The following TIPIN variants were observed in gnomAD, a reference collection of about 807,000 sequenced individuals.
TIPIN encodes TIMELESS-interacting protein.
TIPIN carries 29 observed loss-of-function variants against 35.6 expected under a neutral mutation model. The observed-to-expected ratio is 0.82, with a 90% CI of 0.61 to 1.11. TIPIN has a LOEUF of 1.11. TIPIN is among the 50% of genes most tolerant of loss of function. TIPIN has a pLI of 0.00. For synonymous variants in TIPIN, 102 were observed against 121.5 expected, an observed-to-expected ratio of 0.84 and a Z score of 1.06; for missense variants, 296 against 345.4, an observed-to-expected ratio of 0.86 and a Z score of 1.13.
intron 1 of TIPIN, among the ~76,000 whole-genome samples, chr15:66,382,120 T>A (rs1247912231): frequency 2.6e-5 from 4 of 152,202 alleles, no homozygotes; most frequent in African/African-American, 9.6e-5. Flanking sequence ...CCTATCACCA[T>A]CACCATTTAT....
chr15:66,361,900 A>C (rs1296933058), intron 1 of TIPIN, among the ~76,000 whole-genome samples: 1 of 152,014 alleles, frequency 6.6e-6, no homozygotes, highest in Non-Finnish European at 1.5e-5. Flanking sequence ...AATCACTCCA[A>C]TGTGGAAGTG....
chr15:66,379,370 A>G (rs2093309509), intron 1 of TIPIN: 2 of 1,597,890 alleles, frequency 1.3e-6, no homozygotes, highest in Non-Finnish European at 1.7e-6. Flanking sequence ...TTCCTTTTTC[A>G]GAGACATAGA....
chr15:66,356,861 G>T, upstream of TIPIN: 2 of 328,428 alleles, frequency 6.1e-6, no homozygotes, highest in Non-Finnish European at 8.7e-6. Flanking sequence ...TTCTTCAGAG[G>T]AACTCAGTTA....
At chr15:66,348,557 G>A (rs1050837704) in intron 6 of TIPIN, among the ~76,000 whole-genome samples, 6 of 150,784 alleles carry the variant, frequency 4.0e-5, no homozygotes, top group South Asian at 2.1e-4. Flanking sequence ...GCATGGTGGC[G>A]CATGCCTGTG....
chr15:66,348,042 C>T (rs1428593053), intron 6 of TIPIN, among the ~76,000 whole-genome samples: 1 of 143,690 alleles, frequency 7.0e-6, no homozygotes, highest in African/African-American at 2.5e-5. Context: ...AGGTCTCTCA[C>T]CCTATTTATT....
Position 66,337,026 on chromosome 15 carries a change from C to T in TIPIN, c.838G>A (p.Asp280Asn). The change falls in exon 8 of 8, where the codon GAC becomes AAC. Residue 280 changes from aspartate (D) to asparagine (N), a missense_variant. Physicochemically the swap from Asp to Asn is conservative, Grantham distance 23. Coordinates refer to ENST00000261881, the MANE Select transcript of TIPIN (RefSeq NM_017858.3). ...NTLNEEETLL[D>N]QSFKNVQQQL... Reference sequence around the variant, plus strand: ...TGTTGCACATTTTTAAAAGACTGGTCCAGCAGTGTTTCCTCTTCATTTAAA... The same window carrying T: ...TGTTGCACATTTTTAAAAGACTGGTTCAGCAGTGTTTCCTCTTCATTTAAA... The T allele has an allele frequency of 6.2e-7, 1 of 1,614,018 alleles. No individual in the cohort carries two copies. The highest frequency in any genetic ancestry group is 8.5e-7 in the Non-Finnish European group (1 of 1,179,994).
At chr15:66,371,728 A>G (rs959933227) in intron 1 of TIPIN, among the ~76,000 whole-genome samples, 30 of 151,910 alleles carry the variant, frequency 2.0e-4, no homozygotes, top group African/African-American at 7.0e-4. Flanking sequence ...CGTGTTGGCC[A>G]GAATGGTCTC....
intron 1 of TIPIN, among the ~76,000 whole-genome samples, chr15:66,356,409 G>A (rs62627260): frequency 6.6e-6 from 1 of 152,268 alleles, no homozygotes; most frequent in East Asian, 1.9e-4. Context: ...CCGCTAAGCG[G>A]CTTGGCAGAG....
intron 6 of TIPIN, among the ~76,000 whole-genome samples, chr15:66,343,753 C>A (rs367691677): frequency 6.6e-6 from 1 of 152,184 alleles, no homozygotes; most frequent in Admixed American, 6.6e-5. Flanking sequence ...AATCCCAGCA[C>A]TTTTGGGGGC....
intron 1 of TIPIN, among the ~76,000 whole-genome samples, chr15:66,370,164 T>G (rs2093272624): frequency 6.6e-6 from 1 of 152,084 alleles, no homozygotes; most frequent in Non-Finnish European, 1.5e-5. Flanking sequence ...GTCCTGAGTA[T>G]ATCTTCTTTC....
At chr15:66,364,148 T>G (rs1257245735) in intron 1 of TIPIN, among the ~76,000 whole-genome samples, 1 of 144,660 alleles carries the variant, frequency 6.9e-6, no homozygotes, top group African/African-American at 2.6e-5. Context: ...TATAGAGAAA[T>G]CTTTCTTTTC....
chr15:66,369,356 T>TG (rs1420064134), intron 1 of TIPIN, among the ~76,000 whole-genome samples: 1 of 145,036 alleles, frequency 6.9e-6, no homozygotes, highest in Non-Finnish European at 1.5e-5. Context: ...ACAATATCTT[T>TG]TTTTTTTTTT....
At chr15:66,340,648 G>A (rs1236006079) in intron 7 of TIPIN, among the ~76,000 whole-genome samples, 1 of 151,990 alleles carries the variant, frequency 6.6e-6, no homozygotes, top group Non-Finnish European at 1.5e-5. Context: ...CCAGGCTGGA[G>A]TGCAGTGGCA....
chr15:66,384,108 T>G (rs191112539), intron 1 of TIPIN, among the ~76,000 whole-genome samples: 1 of 151,682 alleles, frequency 6.6e-6, no homozygotes, highest in Admixed American at 6.6e-5. Flanking sequence ...ACCATTCTCC[T>G]GCCTCAGCCT....
intron 1 of TIPIN, among the ~76,000 whole-genome samples, chr15:66,364,297 C>G (rs1271106180): frequency 2.0e-5 from 3 of 151,118 alleles, no homozygotes; most frequent in Admixed American, 2.0e-4. Flanking sequence ...TCCCAAGGAG[C>G]TGGGATTACA....
chr15:66,369,949 A>C (rs1298934534), intron 1 of TIPIN, among the ~76,000 whole-genome samples: 1 of 152,114 alleles, frequency 6.6e-6, no homozygotes, highest in Non-Finnish European at 1.5e-5. Flanking sequence ...TTTTCCATTG[A>C]GTGGAAGAAA....
At chr15:66,352,998 T>G in intron 1 of TIPIN, 43 bp from the exon 2 acceptor site, 1 of 1,582,618 alleles carries the variant, frequency 6.3e-7, no homozygotes, top group Non-Finnish European at 8.6e-7. Flanking sequence ...TCCAAAATAG[T>G]CTCCACTATA....
At chr15:66,344,257 G>A (rs529201985) in intron 6 of TIPIN, among the ~76,000 whole-genome samples, 2 of 151,938 alleles carry the variant, frequency 1.3e-5, no homozygotes, top group African/African-American at 2.4e-5. Flanking sequence ...GACCACTCTG[G>A]TCCCTAACTC....
intron 1 of TIPIN, among the ~76,000 whole-genome samples, chr15:66,381,236 G>A (rs1198954537): frequency 6.6e-6 from 1 of 152,110 alleles, no homozygotes; most frequent in Non-Finnish European, 1.5e-5. Context: ...AGGAGTTCAA[G>A]ACCAGCCTGC....
Sources: allele counts gnomAD v4.1 joint callset (sites outside exome capture counted in the v4.1 genomes callset), GRCh38; gene constraint gnomAD v4.1.1; transcripts MANE v1.5; gene names NCBI Gene and HGNC (gene_info 2026-07-23, HGNC 2026-07-21).